Variants in ARHGAP42 observed in about 807,000 individuals in gnomAD.
ARHGAP42 encodes the protein rho GTPase-activating protein 42.
A neutral mutation model predicts 125.0 loss-of-function variants in ARHGAP42; 63 were observed. That is an observed-to-expected ratio of 0.50 (90% confidence interval 0.41 to 0.62). The LOEUF is 0.62. Ranked by LOEUF, ARHGAP42 falls within the 20% of genes least tolerant of loss-of-function variation. The probability of loss-of-function intolerance (pLI) is 0.00; values close to 1 mark genes in which losing one functional copy is unlikely to be tolerated. For missense variants in ARHGAP42, 766 were observed against 1,024.2 expected (o/e 0.75, Z 3.44); for synonymous variants, 339 against 351.0 (o/e 0.97, Z 0.38).
intron 1 of ARHGAP42, among the ~76,000 whole-genome samples, chr11:100,753,660 C>T (rs1360065895): frequency 4.6e-5 from 7 of 152,218 alleles, no homozygotes; most frequent in South Asian, 2.1e-4. Context: ...GGTTTCCCTC[C>T]GCCTGTGCTG....
At chr11:100,811,619 C>G (rs1312342933) in intron 3 of ARHGAP42, among the ~76,000 whole-genome samples, 1 of 151,848 alleles carries the variant, frequency 6.6e-6, no homozygotes, top group Non-Finnish European at 1.5e-5. Context: ...TCTGCCTTAG[C>G]CTCCTGAGTA....
At chr11:100,811,113 G>A (rs1304686100) in intron 3 of ARHGAP42, among the ~76,000 whole-genome samples, 2 of 152,006 alleles carry the variant, frequency 1.3e-5, no homozygotes, top group Admixed American at 6.6e-5. Flanking sequence ...GCGCCACCAC[G>A]CCCAGCTAAT....
At chr11:100,866,958 T>C (rs1345197082) in intron 4 of ARHGAP42, among the ~76,000 whole-genome samples, 1 of 152,196 alleles carries the variant, frequency 6.6e-6, no homozygotes, top group Non-Finnish European at 1.5e-5. Context: ...TACATATCCA[T>C]CAGGGTGATC....
intron 4 of ARHGAP42, among the ~76,000 whole-genome samples, chr11:100,873,675 C>G (rs1865748729): frequency 6.6e-6 from 1 of 152,144 alleles, no homozygotes; most frequent in South Asian, 2.1e-4. Context: ...TTCTAGATGA[C>G]TCACATATAT....
At chr11:100,711,275 G>A (rs113704020) in intron 1 of ARHGAP42, among the ~76,000 whole-genome samples, 224 of 152,172 alleles carry the variant, frequency 1.5e-3, no homozygotes, top group African/African-American at 4.6e-3. Flanking sequence ...TTTCATCAGC[G>A]TTTCCAACTT....
At chr11:100,804,575 C>T (rs1208709324) in intron 3 of ARHGAP42, among the ~76,000 whole-genome samples, 3 of 147,534 alleles carry the variant, frequency 2.0e-5, no homozygotes, top group Admixed American at 6.8e-5. Flanking sequence ...GTCAGAGTCT[C>T]GCACTGCCAC....
chr11:100,773,029 G>T (rs908656901), intron 2 of ARHGAP42, among the ~76,000 whole-genome samples: 1 of 152,058 alleles, frequency 6.6e-6, no homozygotes, highest in Non-Finnish European at 1.5e-5. Flanking sequence ...TAGAGATGGG[G>T]TTTCCCCATG....
chr11:100,742,021 G>A (rs528857208), intron 1 of ARHGAP42, among the ~76,000 whole-genome samples: 54 of 152,212 alleles, frequency 3.5e-4, no homozygotes, highest in African/African-American at 1.3e-3. Context: ...AAAAGCCAAA[G>A]GCAGCTGATC....
intron 3 of ARHGAP42, among the ~76,000 whole-genome samples, chr11:100,833,328 G>C (rs1864705325): frequency 6.6e-6 from 1 of 152,144 alleles, no homozygotes; most frequent in South Asian, 2.1e-4. Context: ...AGTATTTTAA[G>C]AAGAAATACA....
chr11:100,940,192 G>A (rs763164512), intron 8 of ARHGAP42, among the ~76,000 whole-genome samples: 6 of 152,070 alleles, frequency 3.9e-5, no homozygotes, highest in East Asian at 1.9e-4. Flanking sequence ...ACTCGATACC[G>A]AGGGCATTAT....
At chr11:100,820,050 A>G (rs1380417128) in intron 3 of ARHGAP42, among the ~76,000 whole-genome samples, 1 of 152,072 alleles carries the variant, frequency 6.6e-6, no homozygotes, top group Non-Finnish European at 1.5e-5. Context: ...CAGGGCTCGG[A>G]GGCAGTAAAT....
intron 1 of ARHGAP42, among the ~76,000 whole-genome samples, chr11:100,724,772 A>AT (rs200321896): frequency 0.011 from 1,604 of 147,674 alleles, 29 homozygotes; most frequent in African/African-American, 0.038. Flanking sequence ...GGTTTCATTG[A>AT]TTTTTTTTTC....
chr11:100,970,023 C>G (rs112074099), intron 17 of ARHGAP42, among the ~76,000 whole-genome samples: 14,042 of 151,932 alleles, frequency 0.092, 930 homozygotes, highest in Non-Finnish European at 0.13. Flanking sequence ...GAGTCTCACT[C>G]TGTCACCCAG....
At chr11:100,953,122 T>C (rs188929396) in intron 12 of ARHGAP42, among the ~76,000 whole-genome samples, 18 of 152,272 alleles carry the variant, frequency 1.2e-4, no homozygotes, top group African/African-American at 3.6e-4. Flanking sequence ...CATCATCCTG[T>C]TCTTGAGATC....
intron 3 of ARHGAP42, among the ~76,000 whole-genome samples, chr11:100,848,423 A>G (rs1293253829): frequency 6.6e-6 from 1 of 152,058 alleles, no homozygotes; most frequent in Non-Finnish European, 1.5e-5. Flanking sequence ...ACATGGAGAT[A>G]AGGAGAGTTT....
chr11:100,958,134 GTT>G, intron 12 of ARHGAP42, among the ~76,000 whole-genome samples: 1 of 151,556 alleles, frequency 6.6e-6, no homozygotes, highest in Non-Finnish European at 1.5e-5. Context: ...AGTTTTTGTT[GTT>G]GTCCTTAAAA....
At chr11:100,700,817 G>T (rs1243899085) in intron 1 of ARHGAP42, among the ~76,000 whole-genome samples, 1 of 152,188 alleles carries the variant, frequency 6.6e-6, no homozygotes, top group Non-Finnish European at 1.5e-5. Flanking sequence ...ACTTTTTCCA[G>T]ACTTCTATTA....
At chr11:100,712,017 A>G (rs2298610) in intron 1 of ARHGAP42, among the ~76,000 whole-genome samples, 38,876 of 152,174 alleles carry the variant, frequency 0.26, 5,215 homozygotes, top group African/African-American at 0.29. Context: ...CAAGAACATT[A>G]AAGGGTTTGT....
chr11:100,845,204 C>T (rs1865035385), intron 3 of ARHGAP42, among the ~76,000 whole-genome samples: 1 of 152,048 alleles, frequency 6.6e-6, no homozygotes, highest in Admixed American at 6.6e-5. Flanking sequence ...TGGCAGCAAT[C>T]TGGATGAGAT....
Sources: gnomAD v4.1 joint callset for allele counts (sites outside exome capture counted in the v4.1 genomes callset) on GRCh38, gnomAD v4.1.1 for gene constraint, MANE v1.5 for transcripts, NCBI Gene and HGNC (gene_info 2026-07-23, HGNC 2026-07-21) for gene names.